The following EBF2 variants were observed in gnomAD, a reference collection of about 807,000 sequenced individuals.
EBF2 encodes the protein transcription factor COE2.
EBF2 carries 21 observed loss-of-function variants against 72.8 expected under a neutral mutation model. That is an observed-to-expected ratio of 0.29 (90% CI 0.20 to 0.42). The LOEUF is 0.42. EBF2 is among the 10% of genes least tolerant of loss of function. The pLI is 1.00. For synonymous variants in EBF2, 299 were observed against 274.2 expected, an observed-to-expected ratio of 1.09 and a Z score of -0.89; for missense variants, 637 against 731.2, an observed-to-expected ratio of 0.87 and a Z score of 1.49.
At chr8:25,927,427 G>T (rs889958785) in intron 6 of EBF2, among the ~76,000 whole-genome samples, 1 of 150,710 alleles carries the variant, frequency 6.6e-6, no homozygotes, top group Non-Finnish European at 1.5e-5. Flanking sequence ...TAATATACAT[G>T]ATATATATAC....
At chr8:25,922,745 C>G (rs1253644999) in intron 6 of EBF2, among the ~76,000 whole-genome samples, 1 of 152,176 alleles carries the variant, frequency 6.6e-6, no homozygotes, top group Non-Finnish European at 1.5e-5. Flanking sequence ...CCCTCTCAAG[C>G]TCTTTTTGGA....
At position 26,033,095 on chromosome 8, in the gene EBF2, T is replaced by C. The variant is rs761269769; in HGVS notation, c.541A>G (p.Ile181Val). Residue 181 changes from isoleucine to valine, a missense_variant, in exon 6 of 16, where the codon ATA becomes GTA. By Grantham distance (29) the Ile-to-Val change is conservative. This residue lies in a region of EBF2 where 204 missense variants were observed against 301.2 expected (regional missense o/e 0.68). Coordinates refer to ENST00000520164, the MANE Select transcript of EBF2 (RefSeq NM_022659.4). Reference sequence around the variant, plus strand: ...ACTTTTTCCCCCTACCTGTCAATTATGACTGGGTCCGATGGAGTCTCATTT... The same window carrying C: ...ACTTTTTCCCCCTACCTGTCAATTACGACTGGGTCCGATGGAGTCTCATTT... ...NRNETPSDPV[I>V]IDRFFLKFFL... The C allele has an allele frequency of 1.2e-6, 2 of 1,614,208 alleles. No homozygotes were observed. Among genetic ancestry groups the C allele is most frequent in the East Asian group, 2.2e-5 (1 of 44,888 alleles).
chr8:25,952,923 G>T (rs1014272115), intron 6 of EBF2, among the ~76,000 whole-genome samples: 1 of 152,020 alleles, frequency 6.6e-6, no homozygotes, highest in Non-Finnish European at 1.5e-5. Flanking sequence ...ACTTATGAAA[G>T]TCTGAGATAT....
At chr8:26,034,113 G>T (rs1270227096) in intron 5 of EBF2, among the ~76,000 whole-genome samples, 1 of 152,182 alleles carries the variant, frequency 6.6e-6, no homozygotes, top group Non-Finnish European at 1.5e-5. Flanking sequence ...TGGCTGCCAG[G>T]ATTACTATAA....
At chr8:26,013,391 C>T (rs1477436333) in intron 6 of EBF2, among the ~76,000 whole-genome samples, 1 of 152,168 alleles carries the variant, frequency 6.6e-6, no homozygotes, top group Non-Finnish European at 1.5e-5. Flanking sequence ...TCCATCATCC[C>T]TTTAACTAAT....
chr8:25,955,915 G>T (rs1372720768), intron 6 of EBF2, among the ~76,000 whole-genome samples: 1 of 152,170 alleles, frequency 6.6e-6, no homozygotes, highest in African/African-American at 2.4e-5. Context: ...TGAGGTGTTA[G>T]TCAGGTACAG....
chr8:25,932,616 T>G (rs1419668634), intron 6 of EBF2, among the ~76,000 whole-genome samples: 1 of 152,218 alleles, frequency 6.6e-6, no homozygotes, highest in African/African-American at 2.4e-5. Flanking sequence ...GCACAGATTT[T>G]GGCAACTACA....
At chr8:25,959,765 A>T (rs556239784) in intron 6 of EBF2, among the ~76,000 whole-genome samples, 74 of 152,196 alleles carry the variant, frequency 4.9e-4, no homozygotes, top group Middle Eastern at 3.4e-3. Flanking sequence ...GCCTAGAATT[A>T]CAACTCCAGA....
intron 6 of EBF2, among the ~76,000 whole-genome samples, chr8:25,989,143 G>A (rs191379590): frequency 6.6e-6 from 1 of 152,192 alleles, no homozygotes; most frequent in African/African-American, 2.4e-5. Flanking sequence ...GAGTCTGATA[G>A]CTTCCCTAGA....
intron 10 of EBF2, among the ~76,000 whole-genome samples, chr8:25,867,892 A>G (rs1011866251): frequency 6.6e-6 from 1 of 152,136 alleles, no homozygotes; most frequent in Non-Finnish European, 1.5e-5. Context: ...TTTTTTCTAG[A>G]AAAAATCATC....
rs766058851 is a variant in EBF2, at chr8:25,862,717, A to C, written c.1090T>G (p.Leu364Val). ...TTTCCAAAGCACATTACCTTAGCTA[A>C]TCTCTCAGGATCTCCAGGATGCCTA... is the stretch of plus-strand genomic sequence containing the variant. Reference protein sequence around the residue: ...IPRHPGDPERLAKEMLLKRAA... With the variant: ...IPRHPGDPERVAKEMLLKRAA... Residue 364 changes from leucine to valine, a missense_variant, in exon 11 of 16, where the codon TTA becomes GTA. Around this residue, in one of 3 missense-constraint regions of EBF2, gnomAD observed 259 missense variants for 268.1 expected, o/e 0.97. Coordinates refer to ENST00000520164, the MANE Select transcript of EBF2 (RefSeq NM_022659.4). 1.9e-6 allele frequency: 3 copies of C among 1,593,728 alleles called. No homozygotes were observed. In the East Asian group the frequency reaches 6.8e-5, roughly 36 times the overall value.
At position 25,886,640 on chromosome 8, in the gene EBF2, T is replaced by C. The variant is rs572082086; in HGVS notation, c.1009+115A>G. 43 of 1,272,252 alleles carry C rather than the reference T, an allele frequency of 3.4e-5. No homozygotes were observed. The African/African-American group carries it at 6.3e-4, about 19-fold the overall frequency. The allele number at this position is 1,272,252 out of a possible 1,614,324, so 78.8% of individuals were successfully genotyped here. On this transcript the variant is annotated intron_variant, in intron 10 of 15. Coordinates refer to ENST00000520164, the MANE Select transcript of EBF2 (RefSeq NM_022659.4). Reference sequence around the variant, plus strand: ...AACATCTATCACTCAGCTCACTCTTTCCACACTAGTAAAAAGACCTAGAAA... The same window carrying C: ...AACATCTATCACTCAGCTCACTCTTCCCACACTAGTAAAAAGACCTAGAAA...
intron 14 of EBF2, 149 bp downstream of exon 14, chr8:25,858,170 G>C (rs761714302): frequency 4.0e-6 from 4 of 1,008,650 alleles, no homozygotes; most frequent in African/African-American, 1.6e-5. Context: ...GGAAAAGAAC[G>C]AAAGGCAGGA....
At chr8:25,844,762 C>T (rs1801798550) in intron 15 of EBF2, 122 bp from the exon 16 acceptor site, 1 of 1,277,574 alleles carries the variant, frequency 7.8e-7, no homozygotes, top group Admixed American at 1.7e-5. Context: ...GAGATGGTGC[C>T]CTCAGCTGAT....
chr8:25,907,141 C>T (rs536917605), intron 7 of EBF2, among the ~76,000 whole-genome samples: 4 of 151,578 alleles, frequency 2.6e-5, no homozygotes, highest in East Asian at 2.0e-4. Flanking sequence ...ATTCAGGGTC[C>T]GATGTGGTAG....
chr8:25,905,075 G>A (rs1369227748), intron 7 of EBF2, among the ~76,000 whole-genome samples: 4 of 152,040 alleles, frequency 2.6e-5, no homozygotes, highest in Non-Finnish European at 5.9e-5. Context: ...ATACAAATGA[G>A]CAATAAGCAC....
intron 6 of EBF2, among the ~76,000 whole-genome samples, chr8:26,004,692 A>AG (rs1436117331): frequency 6.6e-6 from 1 of 151,286 alleles, no homozygotes; most frequent in Non-Finnish European, 1.5e-5. Flanking sequence ...AAAAAAAAAA[A>AG]AAAAAAAGTA....
chr8:25,943,298 C>T (rs1156931559), intron 6 of EBF2, among the ~76,000 whole-genome samples: 2 of 140,988 alleles, frequency 1.4e-5, no homozygotes, highest in African/African-American at 5.6e-5. Context: ...AAGACATAAC[C>T]CCTGTCTCTA....
At chr8:25,876,964 T>C (rs976039738) in intron 10 of EBF2, among the ~76,000 whole-genome samples, 2 of 152,334 alleles carry the variant, frequency 1.3e-5, no homozygotes, top group South Asian at 2.1e-4. Context: ...TTCTGTCTTA[T>C]GATAGAACTT....
Sources: gnomAD v4.1 joint callset for allele counts (sites outside exome capture counted in the v4.1 genomes callset) on GRCh38, gnomAD v4.1.1 for gene constraint, gnomAD v4.1.1 regional missense constraint, MANE v1.5 for transcripts, NCBI Gene and HGNC (gene_info 2026-07-23, HGNC 2026-07-21) for gene names.